The following GPC6 variants were observed in gnomAD, a reference collection of about 807,000 sequenced individuals.
The protein encoded by GPC6 is glypican 6, also known as glypican-6.
In GPC6, 14 loss-of-function variants were observed where a neutral mutation model predicts 55.2. The observed-to-expected ratio is 0.25, with a 90% CI of 0.17 to 0.40. The LOEUF is 0.40. Among genes scored for constraint, GPC6 ranks in the 10% least tolerant of loss-of-function variants. The pLI, the probability that GPC6 is intolerant of heterozygous loss-of-function variation, is 1.00. For missense variants in GPC6, 641 were observed against 708.5 expected, an observed-to-expected ratio of 0.90 and a Z score of 1.08; for synonymous variants, 278 against 259.6, an observed-to-expected ratio of 1.07 and a Z score of -0.68.
At chr13:93,949,349 G>C (rs912690450) in intron 3 of GPC6, among the ~76,000 whole-genome samples, 2 of 152,170 alleles carry the variant, frequency 1.3e-5, no homozygotes, top group Admixed American at 1.3e-4. Context: ...AATAGGTTTT[G>C]TGTTGGTTCA....
chr13:93,911,667 A>G (rs1380350038), intron 3 of GPC6, among the ~76,000 whole-genome samples: 1 of 152,168 alleles, frequency 6.6e-6, no homozygotes, highest in Non-Finnish European at 1.5e-5. Flanking sequence ...TCGGATCAAG[A>G]TTTACTAACC....
chr13:94,377,262 T>C (rs1257422659), intron 6 of GPC6, among the ~76,000 whole-genome samples: 1 of 144,814 alleles, frequency 6.9e-6, no homozygotes, highest in African/African-American at 2.6e-5. Flanking sequence ...ACAGGCAACC[T>C]ACAAAATGGG....
chr13:93,857,281 C>T (rs774392054), intron 3 of GPC6, among the ~76,000 whole-genome samples: 27 of 151,494 alleles, frequency 1.8e-4, no homozygotes, highest in Non-Finnish European at 3.4e-4. Context: ...AAGAATCACT[C>T]TGTGGGAGAT....
chr13:94,280,058 A>G (rs1294726986), intron 4 of GPC6, among the ~76,000 whole-genome samples: 2 of 152,084 alleles, frequency 1.3e-5, no homozygotes, highest in African/African-American at 4.8e-5. Context: ...GTCTCCCACT[A>G]TTATTGTGTG....
chr13:93,356,326 A>T (rs1289928539), intron 1 of GPC6, among the ~76,000 whole-genome samples: 1 of 152,218 alleles, frequency 6.6e-6, no homozygotes, highest in Non-Finnish European at 1.5e-5. Flanking sequence ...AGAGTTCAAG[A>T]TAATTTTCTT....
intron 2 of GPC6, among the ~76,000 whole-genome samples, chr13:93,791,347 A>G (rs1402710875): frequency 6.6e-6 from 1 of 152,158 alleles, no homozygotes; most frequent in Admixed American, 6.6e-5. Context: ...TACTTTTTAA[A>G]ACTTTTGTTC....
chr13:94,255,035 C>G (rs931532173), intron 4 of GPC6, among the ~76,000 whole-genome samples: 1 of 152,110 alleles, frequency 6.6e-6, no homozygotes, highest in African/African-American at 2.4e-5. Context: ...CCAAAAAATT[C>G]CTATTCCACT....
chr13:94,162,154 G>A (rs772727104), intron 4 of GPC6, among the ~76,000 whole-genome samples: 3 of 152,110 alleles, frequency 2.0e-5, no homozygotes, highest in Non-Finnish European at 4.4e-5. Flanking sequence ...GAAATTTATT[G>A]CCTCTCAAAA....
intron 4 of GPC6, among the ~76,000 whole-genome samples, chr13:94,092,189 A>G (rs1350063330): frequency 6.6e-6 from 1 of 151,818 alleles, no homozygotes; most frequent in Non-Finnish European, 1.5e-5. Flanking sequence ...TTTCAAGTAT[A>G]CGATAGATTA....
rs192072226 is a variant in GPC6 at position 94,301,113 on chromosome 13, T to A, written c.1009-4867T>A. Among the ~76,000 whole-genome samples, 33 of 152,334 alleles carry A rather than the reference T, an allele frequency of 2.2e-4. No homozygotes were observed. The East Asian group carries it at 2.5e-3, about 12-fold the overall frequency. ...TGATGTCATCCTCCCTGTCAATGAGTCTGACCACATGTTATCATGATGGAG... is the reference window on the plus strand; with the variant it reads ...TGATGTCATCCTCCCTGTCAATGAGACTGACCACATGTTATCATGATGGAG... On this transcript the variant is annotated intron_variant, in intron 5 of 8. Transcript: ENST00000377047.
At chr13:94,100,932 G>A (rs1191881107) in intron 4 of GPC6, among the ~76,000 whole-genome samples, 1 of 152,138 alleles carries the variant, frequency 6.6e-6, no homozygotes, top group African/African-American at 2.4e-5. Flanking sequence ...ATATACTGGG[G>A]GATATTACAG....
At chr13:94,045,542 G>T (rs1055893483) in intron 4 of GPC6, among the ~76,000 whole-genome samples, 3 of 151,896 alleles carry the variant, frequency 2.0e-5, no homozygotes, top group African/African-American at 7.2e-5. Flanking sequence ...GCAAGACAAA[G>T]TGACTTGCAG....
At chr13:93,930,326 C>A (rs1878102709) in intron 3 of GPC6, among the ~76,000 whole-genome samples, 1 of 141,742 alleles carries the variant, frequency 7.1e-6, no homozygotes, top group Admixed American at 7.7e-5. Flanking sequence ...TGCTGGAGTG[C>A]AGTGGTGCAA....
intron 2 of GPC6, among the ~76,000 whole-genome samples, chr13:93,770,908 G>T (rs1885268436): frequency 6.6e-6 from 1 of 151,700 alleles, no homozygotes; most frequent in Non-Finnish European, 1.5e-5. Flanking sequence ...TCCTTAGGAT[G>T]GTTCTCAATT....
intron 7 of GPC6, among the ~76,000 whole-genome samples, chr13:94,390,023 C>G (rs1384832798): frequency 6.6e-6 from 1 of 152,168 alleles, no homozygotes; most frequent in African/African-American, 2.4e-5. Flanking sequence ...CCAAGGAAAT[C>G]CTTCCCAAGG....
intron 2 of GPC6, among the ~76,000 whole-genome samples, chr13:93,757,743 A>T (rs1884825305): frequency 6.6e-6 from 1 of 152,168 alleles, no homozygotes; most frequent in Non-Finnish European, 1.5e-5. Flanking sequence ...TCCAGCAAGG[A>T]TTCTGAAGGA....
intron 2 of GPC6, among the ~76,000 whole-genome samples, chr13:93,551,573 G>A (rs1296339904): frequency 6.6e-6 from 1 of 152,182 alleles, no homozygotes; most frequent in Non-Finnish European, 1.5e-5. Flanking sequence ...GCTCCTTAAA[G>A]TCTAAACTAG....
intron 1 of GPC6, among the ~76,000 whole-genome samples, chr13:93,522,905 T>C (rs764397105): frequency 1.3e-5 from 2 of 151,880 alleles, no homozygotes; most frequent in African/African-American, 2.4e-5. Flanking sequence ...GTTTAGCATC[T>C]GAAGGAGACA....
chr13:93,821,900 C>A lies in GPC6; in HGVS notation c.320-8254C>A, dbSNP rs143015960. ...AGAGAATTTTAACAAAATGTTAAGACTTACAACTGAATTATATATTTAAGC... is the reference window on the plus strand; with the variant it reads ...AGAGAATTTTAACAAAATGTTAAGAATTACAACTGAATTATATATTTAAGC... On this transcript the variant is annotated intron_variant, in intron 2 of 8. Coordinates refer to ENST00000377047, the MANE Select transcript of GPC6 (RefSeq NM_005708.5). Among the ~76,000 whole-genome samples, 439 of 152,086 alleles carry A rather than the reference C, an allele frequency of 2.9e-3. 5 individuals are homozygous for A. Among genetic ancestry groups the A allele is most frequent in the African/African-American group, 9.9e-3 (411 of 41,496 alleles).
Sources: allele counts gnomAD v4.1 joint callset (sites outside exome capture counted in the v4.1 genomes callset), GRCh38; gene constraint gnomAD v4.1.1; transcripts MANE v1.5; gene names NCBI Gene and HGNC (gene_info 2026-07-23, HGNC 2026-07-21).